The following CHST9 variants were observed in gnomAD, a reference collection of about 807,000 sequenced individuals.
CHST9 encodes the protein carbohydrate sulfotransferase 9.
In CHST9, 41 loss-of-function variants were observed where a neutral mutation model predicts 44.4. The observed-to-expected ratio is 0.92, with a 90% CI of 0.72 to 1.20. The LOEUF (loss-of-function observed/expected upper bound fraction) is 1.20. Among genes scored for constraint, CHST9 ranks in the 50% most tolerant of loss-of-function variants. The probability of loss-of-function intolerance (pLI) is 0.00; values close to 1 mark genes in which losing one functional copy is unlikely to be tolerated. For synonymous variants in CHST9, 171 were observed against 178.4 expected, an observed-to-expected ratio of 0.96 and a Z score of 0.33; for missense variants, 504 against 516.5, an observed-to-expected ratio of 0.98 and a Z score of 0.23.
intron 4 of CHST9, among the ~76,000 whole-genome samples, chr18:26,973,571 C>A (rs1214404475): frequency 6.6e-6 from 1 of 152,222 alleles, no homozygotes; most frequent in Non-Finnish European, 1.5e-5. Context: ...TTTCTTAAAA[C>A]ATGACATTAT....
chr18:27,104,710 T>C (rs558893488), intron 2 of CHST9, among the ~76,000 whole-genome samples: 34 of 152,310 alleles, frequency 2.2e-4, no homozygotes, highest in Middle Eastern at 3.4e-3. Context: ...TCCATAAACT[T>C]TCAAATCAAA....
intron 3 of CHST9, among the ~76,000 whole-genome samples, chr18:27,031,577 A>G (rs142859277): frequency 1.4e-4 from 22 of 152,248 alleles, no homozygotes; most frequent in African/African-American, 4.6e-4. Context: ...AATTTATCCA[A>G]TGAATTGTTT....
chr18:27,093,733 G>A (rs893208767), intron 2 of CHST9, among the ~76,000 whole-genome samples: 4 of 152,162 alleles, frequency 2.6e-5, no homozygotes, highest in Non-Finnish European at 5.9e-5. Flanking sequence ...GCTTCAGCTC[G>A]CCCTCCATGG....
chr18:26,931,379 C>A (rs1343147969), intron 5 of CHST9, among the ~76,000 whole-genome samples: 2 of 152,240 alleles, frequency 1.3e-5, no homozygotes, highest in East Asian at 3.8e-4. Flanking sequence ...AAGGAATTTT[C>A]CTAGGGCCTT....
chr18:26,926,304 T>C (rs2055766818), intron 5 of CHST9, among the ~76,000 whole-genome samples: 6 of 152,212 alleles, frequency 3.9e-5, no homozygotes, highest in Admixed American at 3.3e-4. Context: ...GTTCTTTCCA[T>C]TTTTGGATTT....
chr18:27,007,609 A>G (rs2057032245), intron 4 of CHST9, among the ~76,000 whole-genome samples: 1 of 152,214 alleles, frequency 6.6e-6, no homozygotes, highest in African/African-American at 2.4e-5. Flanking sequence ...TTCCAATAGA[A>G]GAACAAAACT....
intron 4 of CHST9, among the ~76,000 whole-genome samples, chr18:27,015,657 G>A (rs1256860857): frequency 6.6e-6 from 1 of 152,132 alleles, no homozygotes; most frequent in African/African-American, 2.4e-5. Flanking sequence ...TTATGTAGGG[G>A]CTTCTATACT....
chr18:27,047,885 G>A (rs1208367745), intron 3 of CHST9, among the ~76,000 whole-genome samples: 1 of 152,114 alleles, frequency 6.6e-6, no homozygotes, highest in African/African-American at 2.4e-5. Context: ...AAGCTAAAAG[G>A]CAAGTCATGG....
intron 1 of CHST9, among the ~76,000 whole-genome samples, chr18:27,149,927 T>A (rs940825232): frequency 1.3e-5 from 2 of 152,110 alleles, no homozygotes. Context: ...ATCCTTTAAT[T>A]GAAAATCATC....
intron 2 of CHST9, among the ~76,000 whole-genome samples, chr18:27,098,886 G>A (rs2058143987): frequency 6.6e-6 from 1 of 150,828 alleles, no homozygotes; most frequent in Non-Finnish European, 1.5e-5. Flanking sequence ...AGCCTGAATA[G>A]TGAAAGCAAT....
intron 4 of CHST9, among the ~76,000 whole-genome samples, chr18:27,023,000 G>T (rs1293970090): frequency 6.6e-6 from 1 of 152,192 alleles, no homozygotes; most frequent in Non-Finnish European, 1.5e-5. Context: ...GATGCATGGT[G>T]ACTCAGTTAC....
chr18:27,049,735 T>A (rs567631927), intron 2 of CHST9, among the ~76,000 whole-genome samples: 2 of 152,144 alleles, frequency 1.3e-5, no homozygotes, highest in Non-Finnish European at 2.9e-5. Context: ...TCTCTAAGAC[T>A]GACCACGTGC....
intron 1 of CHST9, among the ~76,000 whole-genome samples, chr18:27,164,184 G>GACAAA (rs751316390): frequency 6.6e-6 from 1 of 151,828 alleles, no homozygotes; most frequent in Non-Finnish European, 1.5e-5. Context: ...AGAATGTGGG[G>GACAAA]ACAAAACAAA....
At chr18:27,105,152 TA>T (rs1261916763) in intron 2 of CHST9, among the ~76,000 whole-genome samples, 3 of 152,006 alleles carry the variant, frequency 2.0e-5, no homozygotes, top group South Asian at 2.1e-4. Flanking sequence ...ATAAATTTTT[TA>T]AAAAATAATT....
At chr18:27,061,333 A>T (rs1194683185) in intron 2 of CHST9, among the ~76,000 whole-genome samples, 4 of 152,234 alleles carry the variant, frequency 2.6e-5, no homozygotes, top group Admixed American at 2.6e-4. Context: ...CAACTACAAA[A>T]ATAATATTCA....
chr18:27,026,810 C>T (rs1036456265), intron 3 of CHST9, among the ~76,000 whole-genome samples: 3 of 152,226 alleles, frequency 2.0e-5, no homozygotes, highest in African/African-American at 7.2e-5. Flanking sequence ...TTAAACCTCA[C>T]ATCCAGTATA....
chr18:27,088,054 A>G (rs2058030225), intron 2 of CHST9, among the ~76,000 whole-genome samples: 1 of 152,238 alleles, frequency 6.6e-6, no homozygotes, highest in African/African-American at 2.4e-5. Flanking sequence ...CTGTAAGTAC[A>G]ATATTACATT....
At chr18:26,947,944 G>A (rs188241194) in intron 4 of CHST9, among the ~76,000 whole-genome samples, 210 of 152,196 alleles carry the variant, frequency 1.4e-3, no homozygotes, top group African/African-American at 4.8e-3. Context: ...AGACACATGC[G>A]AACGTATGTT....
intron 3 of CHST9, among the ~76,000 whole-genome samples, chr18:27,030,263 A>G (rs1281048478): frequency 6.6e-6 from 1 of 152,220 alleles, no homozygotes; most frequent in African/African-American, 2.4e-5. Context: ...ACTTTGAAAA[A>G]TAGCTGTTTA....
Sources: allele counts gnomAD v4.1 joint callset (sites outside exome capture counted in the v4.1 genomes callset), GRCh38; gene constraint gnomAD v4.1.1; transcripts MANE v1.5; gene names NCBI Gene and HGNC (gene_info 2026-07-23, HGNC 2026-07-21).